The following DGKG variants were observed in gnomAD, a reference collection of about 807,000 sequenced individuals.
DGKG encodes the protein DAG kinase gamma.
Under a neutral mutation model 105.3 loss-of-function variants are expected in DGKG, and 78 were observed. That is an observed-to-expected ratio of 0.74 (90% confidence interval 0.62 to 0.89). The LOEUF is 0.89. Ranked by LOEUF, DGKG falls within the 40% of genes least tolerant of loss-of-function variation. The probability of loss-of-function intolerance (pLI) is 0.00; values close to 1 mark genes in which losing one functional copy is unlikely to be tolerated. For missense variants in DGKG, 958 were observed against 1,020.1 expected (o/e 0.94, Z 0.83); for synonymous variants, 346 against 367.1 (o/e 0.94, Z 0.66).
intron 22 of DGKG, among the ~76,000 whole-genome samples, chr3:186,177,422 A>G (rs1717135083): frequency 6.6e-6 from 1 of 152,182 alleles, no homozygotes; most frequent in South Asian, 2.1e-4. Flanking sequence ...TTCGTCAAAC[A>G]TTTGTTGATC....
intron 5 of DGKG, among the ~76,000 whole-genome samples, chr3:186,296,824 A>T (rs1350355900): frequency 1.3e-5 from 2 of 152,226 alleles, no homozygotes; most frequent in Non-Finnish European, 2.9e-5. Context: ...TGAAGCTTAG[A>T]TGAAATGTGT....
chr3:186,312,706 T>G (rs1409489760), intron 2 of DGKG, among the ~76,000 whole-genome samples: 1 of 152,212 alleles, frequency 6.6e-6, no homozygotes, highest in Non-Finnish European at 1.5e-5. Flanking sequence ...TTCTAATTAC[T>G]CTAGGAAGTT....
intron 3 of DGKG, among the ~76,000 whole-genome samples, chr3:186,300,376 C>T (rs1157305785): frequency 2.0e-5 from 3 of 152,164 alleles, no homozygotes; most frequent in Non-Finnish European, 4.4e-5. Context: ...GGATCCTAGC[C>T]CATTACCTCT....
intron 1 of DGKG, among the ~76,000 whole-genome samples, chr3:186,358,203 A>C (rs80230981): frequency 3.3e-5 from 5 of 152,388 alleles, no homozygotes; most frequent in Non-Finnish European, 2.9e-5. Context: ...GAAAAGGATT[A>C]GACATGGTCT....
At chr3:186,215,235 A>AC (rs1235100873) in intron 20 of DGKG, among the ~76,000 whole-genome samples, 1 of 151,998 alleles carries the variant, frequency 6.6e-6, no homozygotes, top group Non-Finnish European at 1.5e-5. Context: ...ACATGGTGAA[A>AC]CCCCATCTCT....
intron 22 of DGKG, among the ~76,000 whole-genome samples, chr3:186,171,146 T>C (rs555270109): frequency 1.1e-4 from 17 of 152,226 alleles, no homozygotes; most frequent in Non-Finnish European, 2.2e-4. Flanking sequence ...ACCCAACAAC[T>C]GTCTCTGTAC....
intron 1 of DGKG, among the ~76,000 whole-genome samples, chr3:186,340,004 C>T (rs1333408786): frequency 2.6e-5 from 4 of 152,174 alleles, no homozygotes; most frequent in South Asian, 2.1e-4. Context: ...TTCCCAGGGC[C>T]GTGCCTGGCA....
At chr3:186,245,772 A>G (rs1171243595) in intron 19 of DGKG, among the ~76,000 whole-genome samples, 1 of 152,190 alleles carries the variant, frequency 6.6e-6, no homozygotes, top group Non-Finnish European at 1.5e-5. Context: ...TTCCAAGTAC[A>G]TGCATCAGTC....
At chr3:186,219,881 G>A (rs1719478778) in intron 20 of DGKG, among the ~76,000 whole-genome samples, 1 of 152,158 alleles carries the variant, frequency 6.6e-6, no homozygotes, top group Admixed American at 6.5e-5. Flanking sequence ...TAAAATCACA[G>A]ATGACATACT....
rs142764252 is a variant in DGKG, at chr3:186,317,815, T to C, written c.67+2578A>G. Among the ~76,000 whole-genome samples, 1,392 of 152,268 alleles carry C rather than the reference T, an allele frequency of 9.1e-3. 10 individuals carry two copies. Among genetic ancestry groups the C allele is most frequent in the Middle Eastern group, 0.017 (5 of 294 alleles). ...CTTCCCCTGTGAGGCAGTGATCTCT[T>C]TGAGGGCAGGAACTGTGTCTCATTT... On this transcript the variant is annotated intron_variant, in intron 2 of 24. Coordinates refer to ENST00000265022, the MANE Select transcript of DGKG (RefSeq NM_001346.3).
At chr3:186,163,765 T>A (rs1217041283) in intron 23 of DGKG, among the ~76,000 whole-genome samples, 1 of 151,928 alleles carries the variant, frequency 6.6e-6, no homozygotes, top group Admixed American at 6.6e-5. Context: ...TCCTCAAGGA[T>A]CAGGATGTTC....
chr3:186,288,602 C>T (rs1049402311), intron 6 of DGKG, 108 bp downstream of exon 6: 3 of 1,190,000 alleles, frequency 2.5e-6, no homozygotes, highest in South Asian at 1.4e-5. Flanking sequence ...AGGCGGGACG[C>T]ATATCCGTGA....
At chr3:186,251,142 T>C (rs752971460) in intron 19 of DGKG, among the ~76,000 whole-genome samples, 19 of 152,042 alleles carry the variant, frequency 1.2e-4, no homozygotes, top group Non-Finnish European at 2.5e-4. Context: ...TTAAACCAAT[T>C]CCTTCAACCT....
intron 2 of DGKG, among the ~76,000 whole-genome samples, chr3:186,313,948 A>G (rs1225658255): frequency 6.6e-6 from 1 of 152,118 alleles, no homozygotes; most frequent in Non-Finnish European, 1.5e-5. Context: ...GGTTTTAGTG[A>G]CATTTACTTA....
intron 2 of DGKG, among the ~76,000 whole-genome samples, chr3:186,318,107 G>T (rs920327224): frequency 6.6e-6 from 1 of 152,156 alleles, no homozygotes; most frequent in African/African-American, 2.4e-5. Context: ...TCCTCCAAAG[G>T]ATCCTGCCCA....
intron 19 of DGKG, among the ~76,000 whole-genome samples, chr3:186,242,967 T>A (rs1720760460): frequency 6.6e-6 from 1 of 152,166 alleles, no homozygotes; most frequent in African/African-American, 2.4e-5. Context: ...TGACTTTCCA[T>A]ACTAGTTCTT....
intron 23 of DGKG, 62 bp from the exon 24 acceptor site, chr3:186,161,725 T>C: frequency 1.2e-6 from 2 of 1,612,444 alleles, no homozygotes; most frequent in Non-Finnish European, 1.7e-6. Context: ...TCAAGGTTAT[T>C]CCCACCAGGA....
intron 17 of DGKG, among the ~76,000 whole-genome samples, chr3:186,254,570 C>T (rs185253987): frequency 8.5e-5 from 13 of 152,160 alleles, no homozygotes; most frequent in East Asian, 1.9e-4. Context: ...AGCTGTATGC[C>T]GCCCTAGGTT....
At chr3:186,310,393 AT>A (rs1364046975) in intron 2 of DGKG, among the ~76,000 whole-genome samples, 4 of 151,624 alleles carry the variant, frequency 2.6e-5, no homozygotes, top group Non-Finnish European at 5.9e-5. Flanking sequence ...CTTTCATAGG[AT>A]TATAGTATCA....
Sources: allele counts gnomAD v4.1 joint callset (sites outside exome capture counted in the v4.1 genomes callset), GRCh38; gene constraint gnomAD v4.1.1; transcripts MANE v1.5; gene names NCBI Gene and HGNC (gene_info 2026-07-23, HGNC 2026-07-21).